The following TOX2 variants were observed in gnomAD, a reference collection of about 807,000 sequenced individuals.
TOX2 encodes granulosa cell HMG box 1.
A neutral mutation model predicts 47.4 loss-of-function variants in TOX2; 15 were observed. That is an observed-to-expected ratio of 0.32 (90% CI 0.21 to 0.49). The LOEUF (loss-of-function observed/expected upper bound fraction) is 0.49, where lower values mean the gene tolerates loss of function less well. Ranked by LOEUF, TOX2 falls within the 20% of genes least tolerant of loss-of-function variation. The pLI is 0.99. For missense variants in TOX2, 622 were observed against 673.1 expected, an observed-to-expected ratio of 0.92 and a Z score of 0.84; for synonymous variants, 290 against 296.6, an observed-to-expected ratio of 0.98 and a Z score of 0.23.
intron 1 of TOX2, among the ~76,000 whole-genome samples, chr20:43,935,029 A>G (rs751415815): frequency 1.6e-4 from 25 of 152,098 alleles, no homozygotes; most frequent in Non-Finnish European, 2.2e-4. Context: ...GTGTCTGGCC[A>G]CTGTGGTGAG....
intron 3 of TOX2, among the ~76,000 whole-genome samples, chr20:44,037,831 G>A (rs377451792): frequency 2.3e-4 from 35 of 152,248 alleles, no homozygotes; most frequent in African/African-American, 8.2e-4. Context: ...TACCAGTAAC[G>A]GGGCGATGCT....
intron 3 of TOX2, among the ~76,000 whole-genome samples, chr20:44,048,870 C>G (rs1402835778): frequency 6.6e-6 from 1 of 152,198 alleles, no homozygotes; most frequent in Non-Finnish European, 1.5e-5. Flanking sequence ...TGTGGTGGCT[C>G]ATGCCTATAA....
chr20:43,977,347 G>T (rs1383005109), intron 2 of TOX2, among the ~76,000 whole-genome samples: 1 of 152,208 alleles, frequency 6.6e-6, no homozygotes, highest in Non-Finnish European at 1.5e-5. Flanking sequence ...CTGACCTTAA[G>T]TGATCCGCCC....
intron 1 of TOX2, among the ~76,000 whole-genome samples, chr20:43,947,326 C>T (rs1389617097): frequency 3.9e-5 from 6 of 152,208 alleles, no homozygotes; most frequent in Admixed American, 6.5e-5. Context: ...TAAGCATTTA[C>T]GTGTGTTCAT....
At chr20:44,051,279 C>G in intron 3 of TOX2, 27 bp from the exon 4 acceptor site, 1 of 1,572,638 alleles carries the variant, frequency 6.4e-7, no homozygotes, top group Non-Finnish European at 8.7e-7. Flanking sequence ...TCCTTCCTAA[C>G]TCAACCCTCC....
Position 43,915,020 on chromosome 20 carries a change from G to T in TOX2, c.99+30G>T. Reference sequence around the variant, plus strand: ...GCGGGGGCGGGCGGGGGTCCCCGGCGGGCGGGGCCGGAGTCACCTGGCAGC... The same window carrying T: ...GCGGGGGCGGGCGGGGGTCCCCGGCTGGCGGGGCCGGAGTCACCTGGCAGC... On this transcript the variant is annotated intron_variant, in intron 1 of 8. Coordinates refer to ENST00000341197, the MANE Select transcript of TOX2 (RefSeq NM_001098797.2). This position sits in a 1 kb window ranked among gnomAD's most constrained non-coding sequence, Gnocchi z 7.1. 1 of 1,219,014 alleles carries T rather than the reference G, an allele frequency of 8.2e-7. No individual in the cohort carries two copies. The highest frequency in any genetic ancestry group is 1.0e-6 in the Non-Finnish European group (1 of 974,688). The allele number at this position is 1,219,014 out of a possible 1,614,324, so 75.5% of individuals were successfully genotyped here.
At chr20:44,033,909 C>T (rs117385072) in intron 3 of TOX2, among the ~76,000 whole-genome samples, 11 of 152,308 alleles carry the variant, frequency 7.2e-5, no homozygotes, top group Non-Finnish European at 1.5e-4. Context: ...GCTGCCTTCT[C>T]AGAGGACTGA....
At chr20:44,006,491 A>G (rs1258523441) in intron 2 of TOX2, 56 bp from the exon 3 acceptor site, 2 of 1,553,322 alleles carry the variant, frequency 1.3e-6, no homozygotes, top group African/African-American at 1.4e-5. Context: ...GCTGTTGGGT[A>G]TGTTCTGCGG....
chr20:43,987,408 GC>G (rs942560764), intron 2 of TOX2, among the ~76,000 whole-genome samples: 11 of 152,310 alleles, frequency 7.2e-5, no homozygotes, highest in African/African-American at 2.6e-4. Flanking sequence ...CTTCAGAGGT[GC>G]TGGGAAGGTT....
intron 3 of TOX2, among the ~76,000 whole-genome samples, chr20:44,034,400 G>T (rs1334513864): frequency 6.6e-6 from 1 of 152,194 alleles, no homozygotes; most frequent in East Asian, 1.9e-4. Context: ...CCTGCGATGG[G>T]GTGTTTCTGG....
rs1555835282 is a variant in TOX2 at position 43,976,783 on chromosome 20, C to CACACACACAG, written c.165+3360_165+3361insGACACACACA. On this transcript the variant is annotated intron_variant, in intron 2 of 8. Coordinates refer to ENST00000341197, the MANE Select transcript of TOX2 (RefSeq NM_001098797.2). ...TGAACTCACAACGCGAGCGCGCGCG[C>CACACACACAG]ACACACACACACACACACACATACA... 1.5e-3 allele frequency among the ~76,000 whole-genome samples: 112 copies of CACACACACAG among 75,030 alleles called. 1 individual carries two copies. In the South Asian group the frequency reaches 0.041, roughly 28 times the overall value. 49.2% of individuals were successfully genotyped at this position (75,030 alleles called of 152,430 possible).
chr20:44,015,261 AT>A (rs1395322406), intron 3 of TOX2, among the ~76,000 whole-genome samples: 2 of 152,160 alleles, frequency 1.3e-5, no homozygotes, highest in Non-Finnish European at 2.9e-5. Flanking sequence ...CAAAAGAAAT[AT>A]GTCTTTTTAC....
At chr20:43,977,219 C>T (rs1316704371) in intron 2 of TOX2, among the ~76,000 whole-genome samples, 2 of 152,176 alleles carry the variant, frequency 1.3e-5, no homozygotes, top group Non-Finnish European at 2.9e-5. Context: ...TCTCCAGCCT[C>T]AGCCTCCCGA....
At chr20:43,999,180 G>A (rs968156988) in intron 2 of TOX2, among the ~76,000 whole-genome samples, 7 of 152,024 alleles carry the variant, frequency 4.6e-5, no homozygotes, top group East Asian at 1.9e-4. Flanking sequence ...GAAATCATTC[G>A]TATTATGTTA....
chr20:43,952,294 C>T (rs1008288376), intron 1 of TOX2, among the ~76,000 whole-genome samples: 4 of 152,058 alleles, frequency 2.6e-5, no homozygotes, highest in Non-Finnish European at 4.4e-5. Flanking sequence ...CGCCCTGGCC[C>T]CCCAAAGCTC....
At chr20:43,927,498 CACACACACACACA>C (rs2069184278) in intron 1 of TOX2, among the ~76,000 whole-genome samples, 2 of 119,098 alleles carry the variant, frequency 1.7e-5, no homozygotes, top group African/African-American at 7.8e-5. Flanking sequence ...CACACACACA[CACACACACACACA>C]TCATGAGATA....
chr20:43,994,813 G>C (rs1161739386), intron 2 of TOX2, among the ~76,000 whole-genome samples: 1 of 152,172 alleles, frequency 6.6e-6, no homozygotes, highest in Non-Finnish European at 1.5e-5. Flanking sequence ...CAAAACTCCT[G>C]TCTAATGTGA....
intron 4 of TOX2, among the ~76,000 whole-genome samples, chr20:44,053,690 A>G (rs767192167): frequency 4.8e-4 from 73 of 151,884 alleles, no homozygotes; most frequent in Non-Finnish European, 8.4e-4. Context: ...CCCCCAAATA[A>G]CTGCACATTC....
At chr20:43,963,081 C>A (rs533059284) in intron 1 of TOX2, among the ~76,000 whole-genome samples, 54 of 152,172 alleles carry the variant, frequency 3.5e-4, no homozygotes, top group African/African-American at 1.3e-3. Flanking sequence ...AGGCACAATT[C>A]AAGTGCTCAG....
Sources: allele counts gnomAD v4.1 joint callset (sites outside exome capture counted in the v4.1 genomes callset), GRCh38; gene constraint gnomAD v4.1.1; non-coding constraint Gnocchi (gnomAD v3.1); transcripts MANE v1.5; gene names NCBI Gene and HGNC (gene_info 2026-07-23, HGNC 2026-07-21).